GPATCH2: variants seen among roughly 807,000 people sequenced by gnomAD.
GPATCH2 encodes the protein G-patch domain containing 2.
GPATCH2 carries 51 observed loss-of-function variants against 58.0 expected under a neutral mutation model. The observed-to-expected ratio is 0.88, with a 90% confidence interval of 0.70 to 1.11. GPATCH2 has a LOEUF of 1.11. GPATCH2 is among the 50% of genes most tolerant of loss of function. The pLI, the probability that GPATCH2 is intolerant of heterozygous loss-of-function variation, is 0.00. For synonymous variants in GPATCH2, 222 were observed against 218.5 expected (o/e 1.02, Z -0.14); for missense variants, 625 against 652.2 (o/e 0.96, Z 0.45).
chr1:217,611,509 C>G (rs2102817685), intron 3 of GPATCH2, among the ~76,000 whole-genome samples: 1 of 152,204 alleles, frequency 6.6e-6, no homozygotes, highest in South Asian at 2.1e-4. Context: ...AATCCTTTGG[C>G]AAAAACTATT....
chr1:217,587,651 G>A (rs539726321), intron 5 of GPATCH2, among the ~76,000 whole-genome samples: 14 of 152,238 alleles, frequency 9.2e-5, no homozygotes, highest in South Asian at 4.1e-4. Context: ...GTTAGAGTTT[G>A]AGAACTCATA....
chr1:217,548,475 G>A (rs530185185), intron 5 of GPATCH2, among the ~76,000 whole-genome samples: 19 of 152,182 alleles, frequency 1.2e-4, no homozygotes, highest in South Asian at 4.2e-4. Context: ...CTCAATCTTC[G>A]CAAAATCAGA....
chr1:217,572,783 G>A (rs1666627872), intron 5 of GPATCH2, among the ~76,000 whole-genome samples: 1 of 152,218 alleles, frequency 6.6e-6, no homozygotes, highest in African/African-American at 2.4e-5. Context: ...GCCAGTTGTT[G>A]AGACGAGTAT....
At chr1:217,573,787 T>TTTAG (rs1666676607) in intron 5 of GPATCH2, among the ~76,000 whole-genome samples, 1 of 152,202 alleles carries the variant, frequency 6.6e-6, no homozygotes, top group African/African-American at 2.4e-5. Flanking sequence ...TATCTTTTCT[T>TTTAG]TTAGAATTAA....
At chr1:217,623,458 CT>C (rs1669300144) in intron 1 of GPATCH2, among the ~76,000 whole-genome samples, 1 of 151,652 alleles carries the variant, frequency 6.6e-6, no homozygotes, top group Admixed American at 6.6e-5. Flanking sequence ...TAAAATATAA[CT>C]GCTAATATTA....
At chr1:217,478,012 G>C (rs1661042458) in intron 8 of GPATCH2, among the ~76,000 whole-genome samples, 2 of 152,166 alleles carry the variant, frequency 1.3e-5, no homozygotes. Flanking sequence ...TCTCTGCCTG[G>C]TAATCCAGAT....
At chr1:217,503,138 GAC>G (rs139254330) in intron 6 of GPATCH2, among the ~76,000 whole-genome samples, 1 of 152,228 alleles carries the variant, frequency 6.6e-6, no homozygotes, top group Non-Finnish European at 1.5e-5. Flanking sequence ...ACAACCAAGA[GAC>G]AGTGGTACCA....
intron 5 of GPATCH2, among the ~76,000 whole-genome samples, chr1:217,542,016 G>T (rs559765928): frequency 1.3e-5 from 2 of 152,118 alleles, no homozygotes; most frequent in Non-Finnish European, 2.9e-5. Flanking sequence ...GTCCAACTAA[G>T]TCACTCATGC....
intron 5 of GPATCH2, among the ~76,000 whole-genome samples, chr1:217,549,125 T>C (rs1402496427): frequency 1.3e-5 from 2 of 152,166 alleles, no homozygotes; most frequent in African/African-American, 4.8e-5. Context: ...CTTTTCAAAA[T>C]AGTTAAGTTT....
At chr1:217,566,388 G>C (rs1666236037) in intron 5 of GPATCH2, among the ~76,000 whole-genome samples, 2 of 152,092 alleles carry the variant, frequency 1.3e-5, no homozygotes, top group African/African-American at 4.8e-5. Flanking sequence ...TTAATCTTTA[G>C]ATGTTCTTCT....
intron 5 of GPATCH2, among the ~76,000 whole-genome samples, chr1:217,535,984 A>C (rs2102632946): frequency 6.6e-6 from 1 of 152,284 alleles, no homozygotes; most frequent in Middle Eastern, 3.4e-3. Context: ...AATCACATTG[A>C]ACTCCTTACA....
chr1:217,609,718 A>C, intron 5 of GPATCH2: 1 of 950,010 alleles, frequency 1.1e-6, no homozygotes, highest in Non-Finnish European at 1.3e-6. Flanking sequence ...TGAACCATAA[A>C]TGTCAATGCA....
At chr1:217,600,357 T>C (rs1668051913) in intron 5 of GPATCH2, among the ~76,000 whole-genome samples, 1 of 152,116 alleles carries the variant, frequency 6.6e-6, no homozygotes, top group African/African-American at 2.4e-5. Context: ...CCTCTAACTA[T>C]AGTAAAGAAA....
chr1:217,457,691 G>A (rs1249562743), intron 8 of GPATCH2, among the ~76,000 whole-genome samples: 1 of 152,080 alleles, frequency 6.6e-6, no homozygotes, highest in African/African-American at 2.4e-5. Context: ...AAGAATTAGG[G>A]TCATTTGAAA....
intron 5 of GPATCH2, among the ~76,000 whole-genome samples, chr1:217,607,362 AT>A (rs960380893): frequency 4.0e-5 from 6 of 151,482 alleles, no homozygotes; most frequent in Non-Finnish European, 5.9e-5. Context: ...TTAGTACCAG[AT>A]TTTTTTTTGA....
rs555201398 is a variant in GPATCH2, at chr1:217,609,101, T to C, written c.1098+1220A>G. 9.8e-4 allele frequency: 807 copies of C among 822,770 alleles called. 1 individual carries two copies. Among genetic ancestry groups the C allele is most frequent in the South Asian group, 3.2e-3 (58 of 18,022 alleles). The allele number at this position is 822,770 out of a possible 1,614,324, so 51.0% of individuals were successfully genotyped here. A position where few individuals can be genotyped will look rare whatever the true frequency, so the allele number is the denominator to read the frequency against. ...TATTAAATCACATTGTTTTTCATTA[T>C]TGAAGCTTAATAAAAATATCATTTT... On this transcript the variant is annotated intron_variant, in intron 5 of 9. Transcript: ENST00000366935.
At chr1:217,472,982 T>C (rs1386551525) in intron 8 of GPATCH2, among the ~76,000 whole-genome samples, 1 of 152,126 alleles carries the variant, frequency 6.6e-6, no homozygotes, top group East Asian at 1.9e-4. Flanking sequence ...ACCCAGGGCA[T>C]GCTAACTTTC....
intron 5 of GPATCH2, among the ~76,000 whole-genome samples, chr1:217,528,996 C>A (rs778359410): frequency 6.6e-6 from 1 of 152,090 alleles, no homozygotes; most frequent in Non-Finnish European, 1.5e-5. Context: ...AGTGTTCAGT[C>A]CAGACCAGCT....
rs948214901 is a variant in GPATCH2, at chr1:217,562,685, T to A, written c.1098+47636A>T. Among the ~76,000 whole-genome samples the A allele has an allele frequency of 3.3e-5, 5 of 152,328 alleles. No individual in the cohort carries two copies. In the East Asian group the frequency reaches 9.6e-4, roughly 29 times the overall value. On this transcript the variant is annotated intron_variant, in intron 5 of 9. Coordinates refer to ENST00000366935, the MANE Select transcript of GPATCH2 (RefSeq NM_018040.5). ...TTAATAAACTGGAGATAGACACATA[T>A]GTTCAAACCACAGGGTTTGCTTAGT...
Sources: allele counts gnomAD v4.1 joint callset (sites outside exome capture counted in the v4.1 genomes callset), GRCh38; gene constraint gnomAD v4.1.1; transcripts MANE v1.5; gene names NCBI Gene and HGNC (gene_info 2026-07-23, HGNC 2026-07-21).